IL1RAPL1: variants seen among roughly 807,000 people sequenced by gnomAD.
The protein encoded by IL1RAPL1 is interleukin-1 receptor accessory protein-like 1.
In IL1RAPL1, 3 loss-of-function variants were observed where a neutral mutation model predicts 48.4. The ratio of observed to expected loss-of-function variants is 0.06; its 90% CI spans 0.03 to 0.16. The LOEUF (loss-of-function observed/expected upper bound fraction) is 0.16. IL1RAPL1 is among the 10% of genes least tolerant of loss of function. The pLI, the probability that IL1RAPL1 is intolerant of heterozygous loss-of-function variation, is 1.00. For synonymous variants in IL1RAPL1, 185 were observed against 187.7 expected (o/e 0.99, Z 0.12); for missense variants, 349 against 530.6 (o/e 0.66, Z 3.36).
chrX:28,873,448 C>G (rs765068653), intron 2 of IL1RAPL1, among the ~76,000 whole-genome samples: 1 of 106,928 alleles, frequency 9.4e-6, no homozygotes, highest in South Asian at 4.2e-4. Context: ...CTAAGTGGTG[C>G]CATAAGGATA....
At chrX:29,410,004 T>G (rs1934122201) in intron 5 of IL1RAPL1, among the ~76,000 whole-genome samples, 1 of 110,078 alleles carries the variant, frequency 9.1e-6, no homozygotes, top group Non-Finnish European at 1.9e-5. Context: ...TTATTTTTAG[T>G]AGAGACGGGT....
chrX:29,360,932 A>G (rs1413509117), intron 3 of IL1RAPL1, among the ~76,000 whole-genome samples: 4 of 112,096 alleles, frequency 3.6e-5, no homozygotes, highest in Non-Finnish European at 7.5e-5. Flanking sequence ...TTCCTAAAAG[A>G]GTATCTTTCT....
intron 2 of IL1RAPL1, among the ~76,000 whole-genome samples, chrX:29,212,294 G>A (rs1054076459): frequency 5.4e-5 from 6 of 110,589 alleles, no homozygotes; most frequent in African/African-American, 1.3e-4. Context: ...GAAAATTCAT[G>A]TAAAACTTAG....
chrX:29,839,604 G>A (rs1019620295), intron 6 of IL1RAPL1, among the ~76,000 whole-genome samples: 4 of 112,056 alleles, frequency 3.6e-5, no homozygotes, highest in African/African-American at 1.3e-4. Flanking sequence ...TTCCATAAAA[G>A]CTGAAACTTG....
chrX:29,350,191 T>TTA (rs397897010), intron 3 of IL1RAPL1, among the ~76,000 whole-genome samples: 12,713 of 39,183 alleles, frequency 0.32, 2,246 homozygotes, highest in Middle Eastern at 0.49. Context: ...TACTGTTATT[T>TTA]TATATATATA....
chrX:29,417,742 A>T (rs1048557619), intron 5 of IL1RAPL1, among the ~76,000 whole-genome samples: 8 of 111,380 alleles, frequency 7.2e-5, no homozygotes, highest in African/African-American at 2.6e-4. Flanking sequence ...TATAGTCACT[A>T]CTGTCTTCTG....
intron 1 of IL1RAPL1, among the ~76,000 whole-genome samples, chrX:28,773,082 T>A (rs1243746500): frequency 9.1e-6 from 1 of 110,410 alleles, no homozygotes; most frequent in Non-Finnish European, 1.9e-5. Context: ...TCTCTCTCTC[T>A]CACTTTGAAG....
At chrX:29,837,533 A>G (rs1931048434) in intron 6 of IL1RAPL1, among the ~76,000 whole-genome samples, 1 of 110,614 alleles carries the variant, frequency 9.0e-6, no homozygotes, top group Admixed American at 9.7e-5. Context: ...AAGTAAGAAG[A>G]CATTAGTTAC....
chrX:29,702,431 T>C (rs1927078666), intron 6 of IL1RAPL1, among the ~76,000 whole-genome samples: 1 of 110,726 alleles, frequency 9.0e-6, no homozygotes, highest in Non-Finnish European at 1.9e-5. Context: ...AAAGATTTAT[T>C]TGTAGACATT....
At chrX:28,773,337 A>G (rs1936328793) in intron 1 of IL1RAPL1, among the ~76,000 whole-genome samples, 1 of 111,433 alleles carries the variant, frequency 9.0e-6, no homozygotes, top group African/African-American at 3.3e-5. Context: ...TTGGCCTACC[A>G]AAACACTTGG....
At chrX:29,072,186 C>T (rs1927579079) in intron 2 of IL1RAPL1, among the ~76,000 whole-genome samples, 1 of 109,125 alleles carries the variant, frequency 9.2e-6, no homozygotes, top group African/African-American at 3.4e-5. Context: ...CTCAGGGACA[C>T]ACCTTTCTCC....
At chrX:29,501,916 G>T (rs1431170363) in intron 5 of IL1RAPL1, among the ~76,000 whole-genome samples, 1 of 106,760 alleles carries the variant, frequency 9.4e-6, no homozygotes. Context: ...GAGTAGCATT[G>T]TCATTTTAAC....
intron 5 of IL1RAPL1, among the ~76,000 whole-genome samples, chrX:29,461,451 CA>C (rs1332930211): frequency 9.0e-6 from 1 of 111,158 alleles, no homozygotes; most frequent in Non-Finnish European, 1.9e-5. Flanking sequence ...TATAACTATA[CA>C]AAAATGTACT....
intron 5 of IL1RAPL1, among the ~76,000 whole-genome samples, chrX:29,564,755 A>G (rs1490211950): frequency 8.8e-6 from 1 of 113,009 alleles, no homozygotes; most frequent in Non-Finnish European, 1.9e-5. Context: ...TGAGTTAGCA[A>G]ATATATTAAT....
chrX:28,615,689 G>A (rs1030155885), intron 1 of IL1RAPL1, among the ~76,000 whole-genome samples: 1 of 110,809 alleles, frequency 9.0e-6, no homozygotes, highest in Non-Finnish European at 1.9e-5. Context: ...ACTCTTAAAT[G>A]CGAGTCGCTT....
At chrX:29,067,477 T>C (rs1262513831) in intron 2 of IL1RAPL1, among the ~76,000 whole-genome samples, 1 of 112,281 alleles carries the variant, frequency 8.9e-6, no homozygotes, top group Admixed American at 9.5e-5. Flanking sequence ...GTTTCATCAT[T>C]GGAGTGTTCC....
intron 7 of IL1RAPL1, among the ~76,000 whole-genome samples, chrX:29,918,071 C>A (rs1299487736): frequency 4.0e-5 from 3 of 75,418 alleles, no homozygotes; most frequent in Non-Finnish European, 7.1e-5. Context: ...TGCAGTGAGC[C>A]AAGATTCTGC....
At chrX:29,302,613 G>A (rs1932554048) in intron 3 of IL1RAPL1, among the ~76,000 whole-genome samples, 1 of 111,948 alleles carries the variant, frequency 8.9e-6, no homozygotes, top group African/African-American at 3.2e-5. Context: ...TCAGTTCATG[G>A]TCTTGGGGTA....
At chrX:28,682,606 A>T (rs1486024417) in intron 1 of IL1RAPL1, among the ~76,000 whole-genome samples, 1 of 111,918 alleles carries the variant, frequency 8.9e-6, no homozygotes, top group East Asian at 2.8e-4. Flanking sequence ...TATAACTAAG[A>T]TTGGAATTGC....
Sources: gnomAD v4.1 joint callset for allele counts (sites outside exome capture counted in the v4.1 genomes callset) on GRCh38, gnomAD v4.1.1 for gene constraint, MANE v1.5 for transcripts, NCBI Gene and HGNC (gene_info 2026-07-23, HGNC 2026-07-21) for gene names.